Variants in MACROD2 observed in about 807,000 individuals in gnomAD.
The protein encoded by MACROD2 is mono-ADP ribosylhydrolase 2.
In MACROD2, 36 loss-of-function variants were observed where a neutral mutation model predicts 70.4. The observed-to-expected ratio is 0.51, with a 90% CI of 0.39 to 0.68. The LOEUF (loss-of-function observed/expected upper bound fraction) is 0.68, where lower values mean the gene tolerates loss of function less well. MACROD2 is among the 30% of genes least tolerant of loss of function. MACROD2 has a pLI of 0.00. For synonymous variants in MACROD2, 172 were observed against 178.8 expected (o/e 0.96, Z 0.30); for missense variants, 496 against 538.4 (o/e 0.92, Z 0.78).
intron 6 of MACROD2, among the ~76,000 whole-genome samples, chr20:15,383,329 C>CA (rs1342056447): frequency 6.6e-6 from 1 of 152,170 alleles, no homozygotes; most frequent in Non-Finnish European, 1.5e-5. Context: ...TGAGTACTTT[C>CA]AGTAAACCAG....
chr20:14,406,850 T>C (rs751183628), intron 3 of MACROD2, among the ~76,000 whole-genome samples: 28 of 152,224 alleles, frequency 1.8e-4, no homozygotes, highest in African/African-American at 6.5e-4. Flanking sequence ...GAGAGAGTTC[T>C]GATGATCCCA....
At chr20:15,395,149 T>C (rs2045844168) in intron 6 of MACROD2, among the ~76,000 whole-genome samples, 1 of 152,222 alleles carries the variant, frequency 6.6e-6, no homozygotes, top group Admixed American at 6.5e-5. Context: ...AAGATGTTGT[T>C]AATATTCACC....
chr20:15,229,346 C>T, intron 5 of MACROD2, among the ~76,000 whole-genome samples: 1 of 152,108 alleles, frequency 6.6e-6, no homozygotes. Context: ...TAGGTATGAA[C>T]TATTAGCATA....
chr20:15,347,289 A>G (rs2078177298), intron 6 of MACROD2, among the ~76,000 whole-genome samples: 1 of 152,162 alleles, frequency 6.6e-6, no homozygotes. Context: ...GCTGGAGTAT[A>G]TGAGTTCCAA....
At chr20:14,604,564 C>G (rs1276552124) in intron 4 of MACROD2, among the ~76,000 whole-genome samples, 6 of 152,176 alleles carry the variant, frequency 3.9e-5, no homozygotes, top group Non-Finnish European at 8.8e-5. Context: ...CTGGAATCAT[C>G]TCTCATCCTC....
At chr20:16,014,088 T>C (rs2066899235) in intron 15 of MACROD2, among the ~76,000 whole-genome samples, 1 of 152,242 alleles carries the variant, frequency 6.6e-6, no homozygotes, top group Admixed American at 6.5e-5. Flanking sequence ...AGGGTTTCTT[T>C]TAGAATAGAA....
At chr20:14,375,692 C>T (rs1190317182) in intron 3 of MACROD2, among the ~76,000 whole-genome samples, 1 of 152,162 alleles carries the variant, frequency 6.6e-6, no homozygotes, top group Non-Finnish European at 1.5e-5. Flanking sequence ...GACAAGCTAG[C>T]TTTCATGTGA....
intron 4 of MACROD2, among the ~76,000 whole-genome samples, chr20:14,598,169 G>A (rs1433723546): frequency 2.0e-5 from 3 of 152,094 alleles, no homozygotes; most frequent in East Asian, 1.9e-4. Context: ...GCAGACTCAC[G>A]CAAACTTCAT....
At chr20:15,437,840 T>A (rs1250462196) in intron 7 of MACROD2, among the ~76,000 whole-genome samples, 2 of 152,214 alleles carry the variant, frequency 1.3e-5, no homozygotes, top group Non-Finnish European at 2.9e-5. Context: ...CTCCTTTTTT[T>A]TTATGGCTGC....
chr20:14,384,020 G>A (rs1428727974), intron 3 of MACROD2, among the ~76,000 whole-genome samples: 1 of 151,958 alleles, frequency 6.6e-6, no homozygotes, highest in African/African-American at 2.4e-5. Flanking sequence ...CATTTCTTAA[G>A]CTTTGATCAT....
intron 5 of MACROD2, among the ~76,000 whole-genome samples, chr20:14,824,027 CAGG>C (rs2039661570): frequency 6.6e-6 from 1 of 152,144 alleles, no homozygotes; most frequent in South Asian, 2.1e-4. Flanking sequence ...TCATGGACTG[CAGG>C]AGGAGAAATA....
chr20:14,337,737 G>A (rs1471491459), intron 3 of MACROD2: 1 of 389,920 alleles, frequency 2.6e-6, no homozygotes, highest in Non-Finnish European at 4.5e-6. Flanking sequence ...TAATCAGACA[G>A]ATGAGCTTTG....
rs143080370 is a variant in MACROD2 at position 15,380,137 on chromosome 20, C to T, written c.541-51268C>T. Among the ~76,000 whole-genome samples the T allele has an allele frequency of 2.3e-3, 350 of 151,464 alleles. 2 individuals carry two copies. The highest frequency in any genetic ancestry group is 8.0e-3 in the African/African-American group (326 of 40,968). On this transcript the variant is annotated intron_variant, in intron 6 of 17. Coordinates refer to ENST00000684519, the MANE Select transcript of MACROD2 (RefSeq NM_001351661.2). ...GAGAGATCTTCTCTGACAACATATTCTAAATAGCCACCCCCATCTGTCATT... is the reference window on the plus strand; with the variant it reads ...GAGAGATCTTCTCTGACAACATATTTTAAATAGCCACCCCCATCTGTCATT...
At chr20:14,704,897 T>G (rs1246647179) in intron 5 of MACROD2, among the ~76,000 whole-genome samples, 1 of 152,162 alleles carries the variant, frequency 6.6e-6, no homozygotes. Context: ...TTGAGACAGC[T>G]AGGTGTTAGC....
At chr20:14,643,814 C>G (rs75017875) in intron 4 of MACROD2, among the ~76,000 whole-genome samples, 60 of 152,204 alleles carry the variant, frequency 3.9e-4, no homozygotes, top group African/African-American at 1.4e-3. Flanking sequence ...GCCACAGTAC[C>G]TGAAACCTGG....
chr20:14,579,579 T>G (rs556859616), intron 4 of MACROD2, among the ~76,000 whole-genome samples: 49 of 152,366 alleles, frequency 3.2e-4, no homozygotes, highest in South Asian at 8.3e-4. Flanking sequence ...ATACATTTTT[T>G]GTTGATTATC....
chr20:15,883,396 A>G (rs560326671), intron 9 of MACROD2, among the ~76,000 whole-genome samples: 1 of 152,232 alleles, frequency 6.6e-6, no homozygotes, highest in African/African-American at 2.4e-5. Context: ...TATATTTCTA[A>G]GAAATTGGTA....
chr20:14,923,405 TC>T (rs1345863903), intron 5 of MACROD2, among the ~76,000 whole-genome samples: 1 of 152,156 alleles, frequency 6.6e-6, no homozygotes, highest in Non-Finnish European at 1.5e-5. Flanking sequence ...CTAGTAAACA[TC>T]TAAAATGTGT....
chr20:15,088,146 C>G (rs2075762774), intron 5 of MACROD2, among the ~76,000 whole-genome samples: 1 of 151,568 alleles, frequency 6.6e-6, no homozygotes, highest in Admixed American at 6.6e-5. Context: ...GCATAACACT[C>G]ACACTTTGGA....
Sources: allele counts gnomAD v4.1 joint callset (sites outside exome capture counted in the v4.1 genomes callset), GRCh38; gene constraint gnomAD v4.1.1; transcripts MANE v1.5; gene names NCBI Gene and HGNC (gene_info 2026-07-23, HGNC 2026-07-21).